Variants in C12orf56 observed in about 807,000 individuals in gnomAD.
C12orf56 encodes the protein chromosome 12 open reading frame 56.
In C12orf56, 71 loss-of-function variants were observed where a neutral mutation model predicts 69.9. The observed-to-expected ratio is 1.02, with a 90% confidence interval of 0.84 to 1.24. The LOEUF (loss-of-function observed/expected upper bound fraction) is 1.24. Ranked by LOEUF, C12orf56 falls within the 50% of genes most tolerant of loss-of-function variation. The pLI is 0.00. For synonymous variants in C12orf56, 276 were observed against 274.1 expected, an observed-to-expected ratio of 1.01 and a Z score of -0.07; for missense variants, 732 against 738.5, an observed-to-expected ratio of 0.99 and a Z score of 0.10.
At chr12:64,314,038 T>A (rs1279517935) in intron 4 of C12orf56, among the ~76,000 whole-genome samples, 1 of 117,362 alleles carries the variant, frequency 8.5e-6, no homozygotes, top group African/African-American at 3.7e-5. Context: ...AGCAAAACTC[T>A]GTCTCAAAAA....
intron 2 of C12orf56, among the ~76,000 whole-genome samples, chr12:64,334,665 A>T (rs1267530156): frequency 6.6e-6 from 1 of 152,160 alleles, no homozygotes; most frequent in African/African-American, 2.4e-5. Flanking sequence ...GAATCTATGA[A>T]TGTGGAGCTC....
chr12:64,337,631 T>G (rs1592465806), intron 2 of C12orf56, among the ~76,000 whole-genome samples: 2 of 152,132 alleles, frequency 1.3e-5, no homozygotes, highest in Non-Finnish European at 2.9e-5. Context: ...CTGAGGCAGG[T>G]GGATCATTTG....
chr12:64,371,018 G>C (rs2039563485), intron 1 of C12orf56, among the ~76,000 whole-genome samples: 1 of 151,998 alleles, frequency 6.6e-6, no homozygotes, highest in South Asian at 2.1e-4. Flanking sequence ...AAAAACAAAA[G>C]AATAGAGAAC....
At chr12:64,320,383 C>A (rs944471520) in intron 3 of C12orf56, among the ~76,000 whole-genome samples, 19 of 152,252 alleles carry the variant, frequency 1.2e-4, no homozygotes, top group African/African-American at 4.6e-4. Flanking sequence ...TCTCAAACTC[C>A]TGGGCTCAAA....
intron 1 of C12orf56, among the ~76,000 whole-genome samples, chr12:64,367,270 T>TTTATATATTATATATAATATACAGA (rs1565777851): frequency 3.3e-4 from 35 of 104,644 alleles, no homozygotes; most frequent in African/African-American, 9.7e-4. Context: ...TAATATACAG[T>TTTATATATTATATATAATATACAGA]TTATATATTA....
At chr12:64,294,213 C>T (rs1465347401) in intron 6 of C12orf56, among the ~76,000 whole-genome samples, 2 of 151,748 alleles carry the variant, frequency 1.3e-5, no homozygotes, top group Non-Finnish European at 2.9e-5. Flanking sequence ...ATAGAGGAAT[C>T]GAAACCCTTA....
At chr12:64,341,988 G>T (rs1238058682) in intron 2 of C12orf56, among the ~76,000 whole-genome samples, 2 of 152,134 alleles carry the variant, frequency 1.3e-5, no homozygotes, top group Non-Finnish European at 2.9e-5. Flanking sequence ...GGGGAAAGAG[G>T]CTTAGTGGTG....
chr12:64,336,110 T>C (rs954080216), intron 2 of C12orf56, among the ~76,000 whole-genome samples: 2 of 152,138 alleles, frequency 1.3e-5, no homozygotes, highest in African/African-American at 4.8e-5. Flanking sequence ...CCTAGATATA[T>C]AGCAATACCT....
chr12:64,266,763 A>T lies in C12orf56; in HGVS notation c.*420T>A, dbSNP rs979090482. ...AGGCCCCCACACTCCCCGGCATCCT[A>T]TTGCTTAAGCAACAGAACTATTATC... is the stretch of plus-strand genomic sequence containing the variant. On this transcript the variant is annotated 3_prime_UTR_variant, in exon 13 of 13. Coordinates refer to ENST00000543942, the MANE Select transcript of C12orf56 (RefSeq NM_001170633.2). 3.2e-6 allele frequency: 1 copy of T among 315,168 alleles called. No homozygotes were observed. The highest frequency in any genetic ancestry group is 2.2e-5 in the African/African-American group (1 of 45,800). 19.5% of individuals were successfully genotyped at this position (315,168 alleles called of 1,614,324 possible). A position where few individuals can be genotyped will look rare whatever the true frequency, so the allele number is the denominator to read the frequency against.
intron 4 of C12orf56, among the ~76,000 whole-genome samples, chr12:64,315,507 G>A (rs2136831617): frequency 6.6e-6 from 1 of 152,282 alleles, no homozygotes; most frequent in South Asian, 2.1e-4. Context: ...TATTTTTGGT[G>A]AAAGTTACAT....
chr12:64,300,426 T>C (rs1302309596), intron 6 of C12orf56, among the ~76,000 whole-genome samples: 2 of 152,156 alleles, frequency 1.3e-5, no homozygotes, highest in African/African-American at 2.4e-5. Context: ...CTGGTGCTGA[T>C]CCCATTAGGA....
chr12:64,299,565 A>G (rs1347577), intron 6 of C12orf56, among the ~76,000 whole-genome samples: 145,333 of 152,300 alleles, frequency 0.95, 69,701 homozygotes, highest in East Asian at 1. Context: ...AGTATGAATA[A>G]CTTACAGCAC....
chr12:64,373,190 T>C (rs1385466750), intron 1 of C12orf56, among the ~76,000 whole-genome samples: 1 of 152,114 alleles, frequency 6.6e-6, no homozygotes, highest in Non-Finnish European at 1.5e-5. Context: ...TTCAAAACAT[T>C]TGTGGAATAC....
intron 3 of C12orf56, among the ~76,000 whole-genome samples, chr12:64,327,751 A>T (rs2038862473): frequency 6.6e-6 from 1 of 152,242 alleles, no homozygotes; most frequent in South Asian, 2.1e-4. Context: ...TGCCATGCTA[A>T]ATAGAACACA....
intron 1 of C12orf56, among the ~76,000 whole-genome samples, chr12:64,377,390 T>G (rs933135608): frequency 2.0e-5 from 3 of 152,008 alleles, no homozygotes; most frequent in Non-Finnish European, 4.4e-5. Flanking sequence ...GGTTTCATCA[T>G]ATTGGCCAGG....
At chr12:64,329,718 T>C (rs1163634424) in intron 3 of C12orf56, among the ~76,000 whole-genome samples, 1 of 125,468 alleles carries the variant, frequency 8.0e-6, no homozygotes, top group Non-Finnish European at 1.6e-5. Flanking sequence ...GATGTTCCCC[T>C]TCCTGTGTCC....
In C12orf56 at chr12:64,277,632, C is replaced by CTATATATATA. The variant is rs3057140; in HGVS notation, c.1434+38_1434+47dup. On this transcript the variant is annotated intron_variant, in intron 9 of 12. Transcript: ENST00000543942. ...TCCACATTAAAAGAAGCCAGGGCCC[C>CTATATATATA]TATATATATATATATATAATAGTTT... 2.8e-5 allele frequency: 26 copies of CTATATATATA among 937,384 alleles called. 1 individual carries two copies. In the Middle Eastern group the frequency reaches 1.0e-3, roughly 37 times the overall value. 58.1% of individuals were successfully genotyped at this position (937,384 alleles called of 1,614,324 possible). A position where few individuals can be genotyped will look rare whatever the true frequency, so the allele number is the denominator to read the frequency against.
chr12:64,312,648 T>C (rs1253448883), intron 5 of C12orf56, 31 bp downstream of exon 5: 1 of 1,475,990 alleles, frequency 6.8e-7, no homozygotes, highest in African/African-American at 1.4e-5. Flanking sequence ...AAATTCCCCA[T>C]GCAACTCTAT....
intron 5 of C12orf56, among the ~76,000 whole-genome samples, chr12:64,308,426 A>G (rs1393845716): frequency 6.6e-6 from 1 of 152,156 alleles, no homozygotes; most frequent in Non-Finnish European, 1.5e-5. Flanking sequence ...TATTTCTTAT[A>G]TTTGCTTGTT....
Sources: allele counts gnomAD v4.1 joint callset (sites outside exome capture counted in the v4.1 genomes callset), GRCh38; gene constraint gnomAD v4.1.1; transcripts MANE v1.5; gene names NCBI Gene and HGNC (gene_info 2026-07-23, HGNC 2026-07-21).